NOX1: variants seen among roughly 807,000 people sequenced by gnomAD.
The protein encoded by NOX1 is NADH/NADPH mitogenic oxidase subunit P65-MOX.
In NOX1, 34 loss-of-function variants were observed where a neutral mutation model predicts 42.5. The ratio of observed to expected loss-of-function variants is 0.80; its 90% CI spans 0.61 to 1.07. The LOEUF is 1.07. NOX1 is among the 50% of genes least tolerant of loss of function. The pLI, the probability that NOX1 is intolerant of heterozygous loss-of-function variation, is 0.00. For missense variants in NOX1, 408 were observed against 427.0 expected, an observed-to-expected ratio of 0.96 and a Z score of 0.39; for synonymous variants, 143 against 152.5, an observed-to-expected ratio of 0.94 and a Z score of 0.46.
chrX:100,851,357 C>G, intron 7 of NOX1, 32 bp from the exon 8 acceptor site: 1 of 853,561 alleles, frequency 1.2e-6, no homozygotes, highest in Non-Finnish European at 1.7e-6. Context: ...AATGAGATTA[C>G]ACACTAATTT....
chrX:100,843,667 A>G lies in NOX1; in HGVS notation c.*285T>C. 1 of 415,215 alleles carries G rather than the reference A, an allele frequency of 2.4e-6. No homozygotes were observed. Among genetic ancestry groups the G allele is most frequent in the Non-Finnish European group, 4.0e-6 (1 of 252,459 alleles). 34.2% of individuals were successfully genotyped at this position (415,215 alleles called of 1,213,427 possible). ...AACTCTGAACCACCAAACCTCTGCT[A>G]TCAAGCCTTGCTACAGTCATGGCTG... On this transcript the variant is annotated 3_prime_UTR_variant, in exon 13 of 13. Transcript: ENST00000372966.
chrX:100,853,304 T>TC lies in NOX1; in HGVS notation c.805-1980_805-1979insG, dbSNP rs1190355171. Among the ~76,000 whole-genome samples, 150 of 78,290 alleles carry TC rather than the reference T, an allele frequency of 1.9e-3. 1 individual carries two copies. Among genetic ancestry groups the TC allele is most frequent in the African/African-American group, 7.2e-3 (131 of 18,129 alleles). 68.0% of individuals were successfully genotyped at this position (78,290 alleles called of 115,157 possible). Reference sequence around the variant, plus strand: ...TTTCTTTCTTTCTTTCTTTCTTTCTTTCTTTCTTTCTTTCTTTCTCTCTCT... The same window carrying TC: ...TTTCTTTCTTTCTTTCTTTCTTTCTTCTCTTTCTTTCTTTCTTTCTCTCTCT... On this transcript the variant is annotated intron_variant, in intron 7 of 12. Transcript: ENST00000372966.
rs1006929207 is a variant in NOX1, at chrX:100,843,755, T to C, written c.*197A>G. 9.8e-5 allele frequency: 41 copies of C among 419,209 alleles called. No homozygotes were observed. Among genetic ancestry groups the C allele is most frequent in the Non-Finnish European group, 1.5e-4 (38 of 245,786 alleles). The allele number at this position is 419,209 out of a possible 1,213,427, so 34.5% of individuals were successfully genotyped here. A position where few individuals can be genotyped will look rare whatever the true frequency, so the allele number is the denominator to read the frequency against. On this transcript the variant is annotated 3_prime_UTR_variant, in exon 13 of 13. Coordinates refer to ENST00000372966, the MANE Select transcript of NOX1 (RefSeq NM_007052.5). ...CCATGGGCTTTAAGAACTTCAGAAC[T>C]TTAAGAACTTCAGAAGTTCTTAAGT...
At chrX:100,863,133 G>A (rs779172977) in intron 4 of NOX1, 26 bp downstream of exon 4, 7 of 1,062,947 alleles carry the variant, frequency 6.6e-6, no homozygotes, top group Non-Finnish European at 9.2e-6. Context: ...CCTGGAGTCT[G>A]CAGATTCATG....
At chrX:100,856,104 C>T in intron 7 of NOX1, 1 of 1,020,562 alleles carries the variant, frequency 9.8e-7, no homozygotes, top group Non-Finnish European at 1.4e-6. Context: ...TGAGAATCTT[C>T]TCTTGAGACA....
chrX:100,863,019 A>C (rs1308245437), intron 4 of NOX1, 140 bp downstream of exon 4: 1 of 617,040 alleles, frequency 1.6e-6, no homozygotes. Context: ...CTTAAGCTCC[A>C]TGAAAACAGG....
At chrX:100,855,430 C>G in intron 7 of NOX1, 1 of 696,787 alleles carries the variant, frequency 1.4e-6, no homozygotes, top group Non-Finnish European at 2.3e-6. Flanking sequence ...TTCATGGGTC[C>G]AAAATTTGAA....
At chrX:100,849,518 A>C (rs2085098248) in intron 10 of NOX1, 92 bp from the exon 11 acceptor site, 1 of 955,714 alleles carries the variant, frequency 1.0e-6, no homozygotes, top group Non-Finnish European at 1.4e-6. Context: ...GAATGTTCAG[A>C]GTTCTGACAA....
At chrX:100,847,402 G>A (rs1037987231) in intron 12 of NOX1, among the ~76,000 whole-genome samples, 1 of 111,019 alleles carries the variant, frequency 9.0e-6, no homozygotes, top group African/African-American at 3.3e-5. Flanking sequence ...TGTTCCTTGT[G>A]GGCAAGAACC....
intron 7 of NOX1, among the ~76,000 whole-genome samples, chrX:100,854,214 G>A (rs976170475): frequency 5.4e-5 from 6 of 111,710 alleles, no homozygotes; most frequent in Admixed American, 9.5e-5. Flanking sequence ...CCTCTAGGTG[G>A]TAGAACTCTA....
chrX:100,844,838 T>C (rs72552309), intron 12 of NOX1, among the ~76,000 whole-genome samples: 5 of 112,010 alleles, frequency 4.5e-5, no homozygotes, highest in Admixed American at 9.5e-5. Flanking sequence ...AATAAGAACA[T>C]GTAAATAAAT....
Position 100,850,396 on chromosome X carries a change from A to C in NOX1, c.898-10T>G. On this transcript the variant is annotated splice_polypyrimidine_tract_variant and intron_variant, in intron 8 of 12. Coordinates refer to ENST00000372966, the MANE Select transcript of NOX1 (RefSeq NM_007052.5). ...ATGGGTGCATAACAACCTGTGAATG[A>C]AGCACATAGACCAAAGAAAGCAAAC... is the stretch of plus-strand genomic sequence containing the variant. 9.0e-7 allele frequency: 1 copy of C among 1,106,825 alleles called. No homozygotes were observed. Among genetic ancestry groups the C allele is most frequent in the Non-Finnish European group, 1.2e-6 (1 of 818,684 alleles). 91.2% of individuals were successfully genotyped at this position (1,106,825 alleles called of 1,213,427 possible). A position where few individuals can be genotyped will look rare whatever the true frequency, so the allele number is the denominator to read the frequency against.
rs1278441415 is a variant in NOX1, at chrX:100,851,276, A to T, written c.854T>A (p.Ile285Asn). Residue 285 changes from isoleucine to asparagine, a missense_variant, in exon 8 of 13, where the codon ATC becomes AAC. By Grantham distance (149) the Ile-to-Asn change is moderately radical. Transcript: ENST00000372966. Reference protein sequence around the residue: ...APVILYICERILRFYRSQQKV... With the variant: ...APVILYICERNLRFYRSQQKV... ...CTGCTGGGAGCGGTAAAACCGGAGG[A>T]TCCTTTCACAGATATAAAGAATGAC... 8.3e-7 allele frequency: 1 copy of T among 1,198,881 alleles called. No homozygotes were observed. Among genetic ancestry groups the T allele is most frequent in the Admixed American group, 2.2e-5 (1 of 45,455 alleles).
intron 7 of NOX1, among the ~76,000 whole-genome samples, chrX:100,858,305 C>T (rs1021058806): frequency 1.8e-5 from 2 of 111,940 alleles, no homozygotes; most frequent in African/African-American, 3.2e-5. Context: ...TGTTTTTATA[C>T]CAGTACTATG....
intron 2 of NOX1, 71 bp downstream of exon 2, chrX:100,870,648 G>C: frequency 2.7e-6 from 2 of 732,239 alleles, no homozygotes; most frequent in African/African-American, 2.1e-5. Flanking sequence ...AGGGCATTGG[G>C]TCACAAAGAA....
chrX:100,846,116 T>G (rs1157461794), intron 12 of NOX1, among the ~76,000 whole-genome samples: 1 of 110,664 alleles, frequency 9.0e-6, no homozygotes, highest in Non-Finnish European at 1.9e-5. Flanking sequence ...AGAGACAAGG[T>G]TTCACTATGT....
Position 100,848,687 on chromosome X carries a change from G to A in NOX1, c.1511C>T (p.Ser504Phe). 5 of 1,209,683 alleles carry A rather than the reference G, an allele frequency of 4.1e-6. No individual in the cohort carries two copies. Among genetic ancestry groups the A allele is most frequent in the Non-Finnish European group, 5.6e-6 (5 of 893,289 alleles). ...DIVTGLKQKTSFGRPMWDNEF... is the reference protein window; with the variant it reads ...DIVTGLKQKTFFGRPMWDNEF... ...ATTGTCCCACATTGGTCTCCCAAAG[G>A]AGGTTTTCTGTTTCAGACCTGTCAC... Residue 504 changes from serine to phenylalanine, a missense_variant, in exon 12 of 13, where the codon TCC (serine) becomes TTC (phenylalanine). Physicochemically the swap from Ser to Phe is radical, Grantham distance 155. Coordinates refer to ENST00000372966, the MANE Select transcript of NOX1 (RefSeq NM_007052.5).
chrX:100,851,506 C>T (rs781702402), intron 7 of NOX1, among the ~76,000 whole-genome samples, 181 bp from the exon 8 acceptor site: 75 of 112,219 alleles, frequency 6.7e-4, no homozygotes, highest in Middle Eastern at 4.6e-3. Context: ...GTTTCGTTTG[C>T]TAATCTGTTA....
At chrX:100,846,984 T>G (rs1046822432) in intron 12 of NOX1, among the ~76,000 whole-genome samples, 1 of 111,339 alleles carries the variant, frequency 9.0e-6, no homozygotes, top group Non-Finnish European at 1.9e-5. Context: ...GGTCAGGAGT[T>G]CGAGACCAGC....
Sources: allele counts gnomAD v4.1 joint callset (sites outside exome capture counted in the v4.1 genomes callset), GRCh38; gene constraint gnomAD v4.1.1; transcripts MANE v1.5; gene names NCBI Gene and HGNC (gene_info 2026-07-23, HGNC 2026-07-21).